Variants in PCDH15 observed in about 807,000 individuals in gnomAD.
PCDH15 encodes protocadherin related 15.
In PCDH15, 129 loss-of-function variants were observed where a neutral mutation model predicts 178.5. The ratio of observed to expected loss-of-function variants is 0.72; its 90% CI spans 0.63 to 0.84. The LOEUF is 0.84. Among genes scored for constraint, PCDH15 ranks in the 40% least tolerant of loss-of-function variants. PCDH15 has a pLI of 0.00. For missense variants in PCDH15, 2,230 were observed against 2,099.9 expected (o/e 1.06, Z -1.21); for synonymous variants, 800 against 732.0 (o/e 1.09, Z -1.50).
At chr10:53,972,884 G>A (rs1206740530) in intron 21 of PCDH15, among the ~76,000 whole-genome samples, 5 of 152,234 alleles carry the variant, frequency 3.3e-5, no homozygotes, top group South Asian at 4.1e-4. Flanking sequence ...ACAGTGTGGC[G>A]ATTCCTCAAG....
chr10:55,039,845 T>C (rs1298867069), intron 2 of PCDH15, among the ~76,000 whole-genome samples: 1 of 152,058 alleles, frequency 6.6e-6, no homozygotes, highest in Non-Finnish European at 1.5e-5. Context: ...GACTTTGAAC[T>C]AAATGACCAG....
At chr10:55,272,940 ACT>A (rs1378595407) in intron 1 of PCDH15, among the ~76,000 whole-genome samples, 3 of 151,890 alleles carry the variant, frequency 2.0e-5, no homozygotes, top group Non-Finnish European at 4.4e-5. Context: ...ACTTAACAAC[ACT>A]CTATTAAAGC....
chr10:54,372,905 C>T (rs1947882571), intron 4 of PCDH15, among the ~76,000 whole-genome samples: 1 of 151,240 alleles, frequency 6.6e-6, no homozygotes, highest in Non-Finnish European at 1.5e-5. Flanking sequence ...ATATGTGTAT[C>T]AGGAATGATA....
chr10:54,998,001 T>C (rs922927081), intron 2 of PCDH15, among the ~76,000 whole-genome samples: 25 of 152,158 alleles, frequency 1.6e-4, no homozygotes, highest in African/African-American at 6.0e-4. Context: ...AAGTTCAGGA[T>C]TTCTTGCTTC....
intron 2 of PCDH15, among the ~76,000 whole-genome samples, chr10:54,533,740 A>G (rs2084178994): frequency 6.6e-6 from 1 of 152,188 alleles, no homozygotes; most frequent in Admixed American, 6.5e-5. Flanking sequence ...GACTTAACAT[A>G]ATCATTTAAT....
intron 2 of PCDH15, among the ~76,000 whole-genome samples, chr10:55,470,848 T>C (rs1839941183): frequency 6.6e-6 from 1 of 152,184 alleles, no homozygotes; most frequent in African/African-American, 2.4e-5. Context: ...CTGATTTTTT[T>C]TTTTTTTACT....
At chr10:55,429,643 T>C (rs563971661) in intron 2 of PCDH15, among the ~76,000 whole-genome samples, 1 of 152,286 alleles carries the variant, frequency 6.6e-6, no homozygotes, top group South Asian at 2.1e-4. Flanking sequence ...AATTTGCCTT[T>C]TACTGATCAG....
chr10:54,030,978 G>A (rs562336186), intron 18 of PCDH15, among the ~76,000 whole-genome samples: 5 of 152,122 alleles, frequency 3.3e-5, no homozygotes, highest in Admixed American at 3.3e-4. Flanking sequence ...ATTGGAATAT[G>A]AAGCTCATGT....
rs1157093685 is a variant in PCDH15 at position 53,827,478 on chromosome 10, C to A, written c.4282G>T (p.Ala1428Ser). 2 of 1,614,058 alleles carry A rather than the reference C, an allele frequency of 1.2e-6. No homozygotes were observed. Among genetic ancestry groups the A allele is most frequent in the Middle Eastern group, 1.7e-4 (1 of 6,060 alleles). ...GGGGGCGCTGCCACTGGTGCAGGAG[C>A]CGGCACTGCTGGTTTAGCCGCGGGT... is the stretch of plus-strand genomic sequence containing the variant. ...ALPAAKPAVP[A>S]PAPVAAPPPP... is the part of the protein sequence containing the mutation. Residue 1428 changes from alanine (A) to serine (S), a missense_variant, in exon 32 of 38, where the codon GCT (alanine) becomes TCT (serine). Physicochemically the swap from Ala to Ser is moderately conservative, Grantham distance 99. Transcript: ENST00000644397.
At chr10:55,375,843 T>A (rs1837384029) in intron 2 of PCDH15, among the ~76,000 whole-genome samples, 2 of 152,198 alleles carry the variant, frequency 1.3e-5, no homozygotes, top group Admixed American at 1.3e-4. Context: ...ATAAAAAATT[T>A]AACAAACATC....
chr10:54,316,882 T>G (rs980721585), intron 8 of PCDH15, among the ~76,000 whole-genome samples: 3 of 152,174 alleles, frequency 2.0e-5, no homozygotes, highest in Non-Finnish European at 4.4e-5. Flanking sequence ...AGAATTCTAC[T>G]GGGCCAAAAA....
At chr10:54,545,090 A>G (rs2085695470) in intron 2 of PCDH15, among the ~76,000 whole-genome samples, 1 of 152,168 alleles carries the variant, frequency 6.6e-6, no homozygotes, top group African/African-American at 2.4e-5. Flanking sequence ...AATGCTAATA[A>G]AAGTGGAGAA....
At chr10:54,537,105 T>A (rs989749628) in intron 2 of PCDH15, among the ~76,000 whole-genome samples, 1 of 148,276 alleles carries the variant, frequency 6.7e-6, no homozygotes, top group African/African-American at 2.5e-5. Flanking sequence ...TTCACGCCAG[T>A]CTTCTGCCTC....
At chr10:54,191,300 C>G (rs1485443414) in intron 11 of PCDH15, among the ~76,000 whole-genome samples, 1 of 152,088 alleles carries the variant, frequency 6.6e-6, no homozygotes, top group South Asian at 2.1e-4. Context: ...GGGAGGCATG[C>G]AACTAAAATT....
At chr10:54,316,011 C>T (rs2061245920) in intron 8 of PCDH15, among the ~76,000 whole-genome samples, 1 of 150,570 alleles carries the variant, frequency 6.6e-6, no homozygotes, top group Non-Finnish European at 1.5e-5. Context: ...AACAAAATAA[C>T]ATAATGGCAT....
intron 3 of PCDH15, among the ~76,000 whole-genome samples, chr10:54,513,237 TTTTG>T (rs1171854665): frequency 7.1e-6 from 1 of 141,260 alleles, no homozygotes; most frequent in African/African-American, 2.6e-5. Context: ...TTTCATTTAT[TTTTG>T]TTTATTTATT....
At chr10:54,124,802 A>T (rs1187606610) in intron 15 of PCDH15, among the ~76,000 whole-genome samples, 1 of 152,214 alleles carries the variant, frequency 6.6e-6, no homozygotes, top group Non-Finnish European at 1.5e-5. Context: ...AAAAAGGGAA[A>T]GAGAAGTAAA....
intron 1 of PCDH15, among the ~76,000 whole-genome samples, chr10:54,723,273 A>T (rs1941943300): frequency 6.6e-6 from 1 of 151,712 alleles, no homozygotes; most frequent in Admixed American, 6.6e-5. Flanking sequence ...GATCTTCAAA[A>T]TGTTAACAAA....
intron 1 of PCDH15, among the ~76,000 whole-genome samples, chr10:54,778,844 T>A (rs1258052449): frequency 1.3e-5 from 2 of 152,066 alleles, no homozygotes; most frequent in Non-Finnish European, 2.9e-5. Flanking sequence ...GTTCAAGAAC[T>A]CTAACCTATA....
Sources: gnomAD v4.1 joint callset for allele counts (sites outside exome capture counted in the v4.1 genomes callset) on GRCh38, gnomAD v4.1.1 for gene constraint, MANE v1.5 for transcripts, NCBI Gene and HGNC (gene_info 2026-07-23, HGNC 2026-07-21) for gene names.